The following TAFA1 variants were observed in gnomAD, a reference collection of about 807,000 sequenced individuals.
The protein encoded by TAFA1 is chemokine-like protein TAFA-1.
A neutral mutation model predicts 18.5 loss-of-function variants in TAFA1; 4 were observed. The ratio of observed to expected loss-of-function variants is 0.22; its 90% CI spans 0.11 to 0.49. The LOEUF is 0.49. Ranked by LOEUF, TAFA1 falls within the 20% of genes least tolerant of loss-of-function variation. The pLI, the probability that TAFA1 is intolerant of heterozygous loss-of-function variation, is 0.98. For missense variants in TAFA1, 147 were observed against 169.0 expected, an observed-to-expected ratio of 0.87 and a Z score of 0.72; for synonymous variants, 56 against 55.2, an observed-to-expected ratio of 1.01 and a Z score of -0.06.
At chr3:68,151,884 T>C (rs983405716) in intron 2 of TAFA1, among the ~76,000 whole-genome samples, 1 of 152,242 alleles carries the variant, frequency 6.6e-6, no homozygotes, top group African/African-American at 2.4e-5. Flanking sequence ...TACAAAATCT[T>C]ATATGCTACT....
intron 2 of TAFA1, among the ~76,000 whole-genome samples, chr3:68,131,602 G>A (rs1433865138): frequency 1.3e-5 from 2 of 152,174 alleles, no homozygotes; most frequent in East Asian, 3.9e-4. Context: ...CATCCACAAA[G>A]AATAAGCCCA....
chr3:68,164,305 C>T (rs2065958184), intron 2 of TAFA1, among the ~76,000 whole-genome samples: 1 of 152,162 alleles, frequency 6.6e-6, no homozygotes, highest in Non-Finnish European at 1.5e-5. Context: ...GTTTAATGTA[C>T]ATGAACTATT....
chr3:68,122,165 G>A (rs1197901189), intron 2 of TAFA1, among the ~76,000 whole-genome samples: 1 of 151,884 alleles, frequency 6.6e-6, no homozygotes, highest in East Asian at 1.9e-4. Context: ...ACTCTTCTCT[G>A]TCTAGGTCTC....
At chr3:68,370,780 GTTTTT>G (rs34524243) in intron 2 of TAFA1, among the ~76,000 whole-genome samples, 1 of 122,140 alleles carries the variant, frequency 8.2e-6, no homozygotes, top group African/African-American at 3.1e-5. Context: ...TGTTTTCGTT[GTTTTT>G]TTTTTTTTTT....
intron 2 of TAFA1, among the ~76,000 whole-genome samples, chr3:68,309,221 A>G (rs2106671825): frequency 6.6e-6 from 1 of 152,324 alleles, no homozygotes; most frequent in African/African-American, 2.4e-5. Flanking sequence ...TAGAACATAC[A>G]AAGCATACGA....
At chr3:68,057,265 TG>T (rs2064548447) in intron 2 of TAFA1, among the ~76,000 whole-genome samples, 1 of 152,190 alleles carries the variant, frequency 6.6e-6, no homozygotes. Flanking sequence ...CAGTTATCTA[TG>T]TTATGGGGCC....
intron 3 of TAFA1, among the ~76,000 whole-genome samples, chr3:68,426,193 A>C (rs533345776): frequency 1.3e-5 from 2 of 151,940 alleles, no homozygotes; most frequent in Non-Finnish European, 2.9e-5. Flanking sequence ...ATTATTTATC[A>C]ATTAAAAATT....
intron 2 of TAFA1, among the ~76,000 whole-genome samples, chr3:68,283,977 A>C (rs1486680710): frequency 6.6e-6 from 1 of 152,212 alleles, no homozygotes; most frequent in Admixed American, 6.5e-5. Context: ...CCAAGACCTG[A>C]TATTTCCTGC....
chr3:68,325,429 G>A (rs944440278), intron 2 of TAFA1, among the ~76,000 whole-genome samples: 16 of 152,152 alleles, frequency 1.1e-4, no homozygotes, highest in Non-Finnish European at 1.5e-5. Flanking sequence ...TCAGAGTGTT[G>A]TGATGATTGA....
chr3:68,121,239 A>ATGC (rs1553642805), intron 2 of TAFA1, among the ~76,000 whole-genome samples: 2 of 151,654 alleles, frequency 1.3e-5, no homozygotes, highest in Non-Finnish European at 2.9e-5. Flanking sequence ...GACTTCTCAA[A>ATGC]TGTACATTAA....
At chr3:68,517,816 A>G (rs1265856686) in intron 3 of TAFA1, among the ~76,000 whole-genome samples, 1 of 152,160 alleles carries the variant, frequency 6.6e-6, no homozygotes, top group Non-Finnish European at 1.5e-5. Flanking sequence ...GATTTGTCAC[A>G]GCAATTGCAT....
At chr3:68,137,674 C>T (rs372213404) in intron 2 of TAFA1, among the ~76,000 whole-genome samples, 10 of 152,240 alleles carry the variant, frequency 6.6e-5, no homozygotes, top group African/African-American at 1.7e-4. Flanking sequence ...TTCATATGGA[C>T]GTCCTTTGAA....
chr3:68,003,995 T>A (rs867394160), upstream of TAFA1, among the ~76,000 whole-genome samples: 2 of 152,308 alleles, frequency 1.3e-5, no homozygotes, highest in Middle Eastern at 6.8e-3. Flanking sequence ...CTGTTAGAAG[T>A]CTAACTCCCA....
intron 3 of TAFA1, among the ~76,000 whole-genome samples, chr3:68,433,116 C>A (rs1205358465): frequency 6.6e-6 from 1 of 151,916 alleles, no homozygotes; most frequent in Non-Finnish European, 1.5e-5. Flanking sequence ...ATGGAGCACA[C>A]ATTTCCACCA....
At chr3:68,070,275 A>G (rs2064736932) in intron 2 of TAFA1, among the ~76,000 whole-genome samples, 1 of 152,212 alleles carries the variant, frequency 6.6e-6, no homozygotes, top group Non-Finnish European at 1.5e-5. Flanking sequence ...TGCAGGCTCA[A>G]CATCACATGG....
At chr3:68,340,300 A>G (rs1395788711) in intron 2 of TAFA1, among the ~76,000 whole-genome samples, 6 of 152,352 alleles carry the variant, frequency 3.9e-5, no homozygotes, top group African/African-American at 1.4e-4. Context: ...ACCAAAAGGC[A>G]TCTCCTTCCC....
At chr3:68,205,479 T>C (rs1397559905) in intron 2 of TAFA1, among the ~76,000 whole-genome samples, 1 of 151,888 alleles carries the variant, frequency 6.6e-6, no homozygotes, top group Non-Finnish European at 1.5e-5. Flanking sequence ...ATTCTCTCGG[T>C]CCCACTTTCC....
At chr3:68,521,856 G>GTTTGTTTTTTT (rs1399522039) in intron 3 of TAFA1, among the ~76,000 whole-genome samples, 1 of 70,848 alleles carries the variant, frequency 1.4e-5, no homozygotes, top group Non-Finnish European at 2.4e-5. Flanking sequence ...GTTTTTTTCT[G>GTTTGTTTTTTT]TTTTTTTTTT....
At chr3:68,179,633 G>T (rs73095420) in intron 2 of TAFA1, among the ~76,000 whole-genome samples, 3 of 152,228 alleles carry the variant, frequency 2.0e-5, no homozygotes, top group Admixed American at 2.0e-4. Context: ...TCCAGCCCTG[G>T]AGAACACTGA....
Sources: gnomAD v4.1 joint callset for allele counts (sites outside exome capture counted in the v4.1 genomes callset) on GRCh38, gnomAD v4.1.1 for gene constraint, MANE v1.5 for transcripts, NCBI Gene and HGNC (gene_info 2026-07-23, HGNC 2026-07-21) for gene names.